KIRREL3: variants seen among roughly 807,000 people sequenced by gnomAD.
KIRREL3 encodes kirre like nephrin family adhesion molecule 3.
In KIRREL3, 36 loss-of-function variants were observed where a neutral mutation model predicts 89.7. That is an observed-to-expected ratio of 0.40 (90% CI 0.31 to 0.53). KIRREL3 has a LOEUF of 0.53. Among genes scored for constraint, KIRREL3 ranks in the 20% least tolerant of loss-of-function variants. The pLI, the probability that KIRREL3 is intolerant of heterozygous loss-of-function variation, is 0.49. For missense variants in KIRREL3, 864 were observed against 1,056.6 expected, an observed-to-expected ratio of 0.82 and a Z score of 2.53; for synonymous variants, 445 against 441.4, an observed-to-expected ratio of 1.01 and a Z score of -0.10.
chr11:126,605,251 C>A lies in KIRREL3; in HGVS notation c.56-42339G>T, dbSNP rs750663147. Among the ~76,000 whole-genome samples, 1 of 152,184 alleles carries A rather than the reference C, an allele frequency of 6.6e-6. No individual in the cohort carries two copies. Among genetic ancestry groups the A allele is most frequent in the Non-Finnish European group, 1.5e-5 (1 of 68,036 alleles). On this transcript the variant is annotated intron_variant, in intron 1 of 16. Coordinates refer to ENST00000525144, the MANE Select transcript of KIRREL3 (RefSeq NM_032531.4). This position sits in a 1 kb window ranked among gnomAD's most constrained non-coding sequence, Gnocchi z 5.7. ...AAGTCACATTTGCAGTTGGTGCCTC[C>A]TTAGTCACTGCCAGGATTCCAGGCA... is the stretch of plus-strand genomic sequence containing the variant.
At chr11:126,453,655 C>A (rs992513013) in intron 7 of KIRREL3, among the ~76,000 whole-genome samples, 1 of 152,026 alleles carries the variant, frequency 6.6e-6, no homozygotes, top group East Asian at 1.9e-4. Context: ...TGGGTGCAGG[C>A]GCCCACCACC....
At chr11:126,813,770 C>CAAA (rs138822412) in intron 1 of KIRREL3, among the ~76,000 whole-genome samples, 10 of 129,440 alleles carry the variant, frequency 7.7e-5, no homozygotes, top group Non-Finnish European at 1.3e-4. Context: ...GAAACAAAGG[C>CAAA]AAAAAAAAAA....
chr11:126,425,594 A>C, intron 16 of KIRREL3, 44 bp downstream of exon 16: 1 of 1,477,920 alleles, frequency 6.8e-7, no homozygotes, highest in Non-Finnish European at 9.3e-7. Flanking sequence ...AGAGCTAAAG[A>C]CCAGATTCCA....
intron 1 of KIRREL3, among the ~76,000 whole-genome samples, chr11:126,667,845 A>G (rs1945732098): frequency 6.6e-6 from 1 of 152,182 alleles, no homozygotes; most frequent in Non-Finnish European, 1.5e-5. Context: ...AAGCTGCACA[A>G]AAGGCCACAG....
At chr11:126,425,500 G>A (rs964082299) in intron 16 of KIRREL3, 138 bp downstream of exon 16, 17 of 727,242 alleles carry the variant, frequency 2.3e-5, no homozygotes, top group East Asian at 1.6e-4. Context: ...AGGCAGGGAC[G>A]GGCACCTGCC....
Position 126,474,878 on chromosome 11 carries a change from C to A in KIRREL3, c.434-1412G>T, listed in dbSNP as rs1453022319. Reference sequence around the variant, plus strand: ...AAGTACCTTGCCTAGGACACAGGGCCTTTCCCATGCTTGTGCTTGGGGACA... The same window carrying A: ...AAGTACCTTGCCTAGGACACAGGGCATTTCCCATGCTTGTGCTTGGGGACA... On this transcript the variant is annotated intron_variant, in intron 4 of 16. Transcript: ENST00000525144. The surrounding 1 kb of genome is among the most constrained non-coding windows in gnomAD (Gnocchi z 6.7). Among the ~76,000 whole-genome samples the A allele has an allele frequency of 6.6e-6, 1 of 152,204 alleles. No homozygotes were observed.
Position 126,747,016 on chromosome 11 carries a change from G to GCATAGA in KIRREL3, c.56-184110_56-184105dup, listed in dbSNP as rs1949174826. On this transcript the variant is annotated intron_variant, in intron 1 of 16. Transcript: ENST00000525144. The surrounding 1 kb of genome is among the most constrained non-coding windows in gnomAD (Gnocchi z 4.7). ...GGCTGCTTCCAGGGTATATTCTGAA[G>GCATAGA]CATAGACATGCTTCTGCCATCTTGG... 6.6e-6 allele frequency among the ~76,000 whole-genome samples: 1 copy of GCATAGA among 152,164 alleles called. No individual in the cohort carries two copies. The highest frequency in any genetic ancestry group is 2.4e-5 in the African/African-American group (1 of 41,424).
rs1944047722 is a variant in KIRREL3, at chr11:126,843,906, CA to C, written c.55+156548del. ...CCCTACCTGGGCTCAAAAGGGGAGGCATGAATAATCCCCTTGTTTAGCATAT... is the reference window on the plus strand; with the variant it reads ...CCCTACCTGGGCTCAAAAGGGGAGGCTGAATAATCCCCTTGTTTAGCATAT... On this transcript the variant is annotated intron_variant, in intron 1 of 16. Coordinates refer to ENST00000525144, the MANE Select transcript of KIRREL3 (RefSeq NM_032531.4). The surrounding 1 kb of genome is among the most constrained non-coding windows in gnomAD (Gnocchi z 4.6). Among the ~76,000 whole-genome samples, 1 of 152,164 alleles carries C rather than the reference CA, an allele frequency of 6.6e-6. No homozygotes were observed. Among genetic ancestry groups the C allele is most frequent in the South Asian group, 2.1e-4 (1 of 4,814 alleles).
rs551362349 is a variant in KIRREL3, at chr11:126,849,949, G to T, written c.55+150506C>A. On this transcript the variant is annotated intron_variant, in intron 1 of 16. Transcript: ENST00000525144. ...ATCAAAGCTGACAACTCCCAAAATGGTATGAAAACGCTTTTTAGTGTCCAT... is the reference window on the plus strand; with the variant it reads ...ATCAAAGCTGACAACTCCCAAAATGTTATGAAAACGCTTTTTAGTGTCCAT... 5.6e-5 allele frequency among the ~76,000 whole-genome samples: 6 copies of T among 106,610 alleles called. No homozygotes were observed. The South Asian group carries it at 9.6e-4, about 17-fold the overall frequency. 69.9% of individuals were successfully genotyped at this position (106,610 alleles called of 152,430 possible).
rs372240246 is a variant in KIRREL3 at position 126,582,379 on chromosome 11, C to A, written c.56-19467G>T. Among the ~76,000 whole-genome samples the A allele has an allele frequency of 1.2e-4, 18 of 152,220 alleles. No homozygotes were observed. The East Asian group carries it at 1.5e-3, about 13-fold the overall frequency. ...CCTTGCTAAGCTCTGGTTTGTGTTT[C>A]TGCCTCTGGTGTTTGGTATCAGAAC... is the stretch of plus-strand genomic sequence containing the variant. On this transcript the variant is annotated intron_variant, in intron 1 of 16. Transcript: ENST00000525144.
chr11:126,593,417 C>T (rs371802111), intron 1 of KIRREL3, among the ~76,000 whole-genome samples: 2 of 152,352 alleles, frequency 1.3e-5, no homozygotes, highest in East Asian at 3.9e-4. Context: ...AAGCCACAGC[C>T]ACTCCCTACC....
chr11:126,449,243 TG>T, intron 7 of KIRREL3, 86 bp from the exon 8 acceptor site: 1 of 1,502,088 alleles, frequency 6.7e-7, no homozygotes, highest in Non-Finnish European at 9.1e-7. Flanking sequence ...CATGGAAAAA[TG>T]AGGCCTGGGT....
intron 2 of KIRREL3, among the ~76,000 whole-genome samples, chr11:126,529,143 G>A (rs1321907697): frequency 6.6e-6 from 1 of 152,176 alleles, no homozygotes; most frequent in African/African-American, 2.4e-5. Flanking sequence ...TCCCCGTCCT[G>A]TGTCCTCTTG....
rs772726877 is a variant in KIRREL3 at position 126,668,735 on chromosome 11, TTCTTTC to T, written c.56-105829_56-105824del. On this transcript the variant is annotated intron_variant, in intron 1 of 16. Coordinates refer to ENST00000525144, the MANE Select transcript of KIRREL3 (RefSeq NM_032531.4). The surrounding 1 kb of genome is among the most constrained non-coding windows in gnomAD (Gnocchi z 4.4). ...TTTCTTTCTTTCTTTCTTTCTTTCT[TTCTTTC>T]TTTCTTTCTTTCTTTTTTCTCTTTC... is the stretch of plus-strand genomic sequence containing the variant. Among the ~76,000 whole-genome samples, 218 of 114,206 alleles carry T rather than the reference TTCTTTC, an allele frequency of 1.9e-3. 1 individual carries two copies. Among genetic ancestry groups the T allele is most frequent in the South Asian group, 0.016 (45 of 2,764 alleles). 74.9% of individuals were successfully genotyped at this position (114,206 alleles called of 152,430 possible).
rs1263207781 is a variant in KIRREL3, at chr11:126,744,364, A to G, written c.56-181452T>C. On this transcript the variant is annotated intron_variant, in intron 1 of 16. Coordinates refer to ENST00000525144, the MANE Select transcript of KIRREL3 (RefSeq NM_032531.4). This position sits in a 1 kb window ranked among gnomAD's most constrained non-coding sequence, Gnocchi z 4.7. ...GCAGGAGGTGTGCTGACCAGAGAGG[A>G]TGAAAGGGAAGCTGGAGGCAGGGAG... is the stretch of plus-strand genomic sequence containing the variant. Among the ~76,000 whole-genome samples the G allele has an allele frequency of 6.6e-6, 1 of 152,020 alleles. No homozygotes were observed. The highest frequency in any genetic ancestry group is 1.5e-5 in the Non-Finnish European group (1 of 68,024).
intron 8 of KIRREL3, among the ~76,000 whole-genome samples, chr11:126,447,327 C>A (rs1029364117): frequency 2.0e-5 from 3 of 152,214 alleles, no homozygotes; most frequent in African/African-American, 7.2e-5. Context: ...ATCTTCATGC[C>A]TCTGCCTTCA....
intron 1 of KIRREL3, among the ~76,000 whole-genome samples, chr11:126,674,998 A>G (rs1014954770): frequency 3.9e-5 from 6 of 152,240 alleles, no homozygotes; most frequent in Admixed American, 3.9e-4. Flanking sequence ...CAAGAGGAAG[A>G]AGGGGCTCTT....
Position 126,946,971 on chromosome 11 carries a change from T to A in KIRREL3, c.55+53484A>T, listed in dbSNP as rs1303834600. On this transcript the variant is annotated intron_variant, in intron 1 of 16. Coordinates refer to ENST00000525144, the MANE Select transcript of KIRREL3 (RefSeq NM_032531.4). This position sits in a 1 kb window ranked among gnomAD's most constrained non-coding sequence, Gnocchi z 4.1. ...ACTTCCTAGGCACACTGCTTGCAAA[T>A]GGCAGAAAGAACCAGAAATCTTATC... Among the ~76,000 whole-genome samples the A allele has an allele frequency of 6.6e-6, 1 of 152,180 alleles. No homozygotes were observed. Among genetic ancestry groups the A allele is most frequent in the Non-Finnish European group, 1.5e-5 (1 of 68,044 alleles).
rs1957497490 is a variant in KIRREL3 at position 126,491,030 on chromosome 11, AT to A, written c.434-17565del. Among the ~76,000 whole-genome samples the A allele has an allele frequency of 6.6e-6, 1 of 152,074 alleles. No homozygotes were observed. The highest frequency in any genetic ancestry group is 1.5e-5 in the Non-Finnish European group (1 of 68,014). The stretch of plus-strand genomic sequence containing the variant: ...GAGAATGGGGCAGGGCTCTGTCTGG[AT>A]TTTGGGTCCATCCCGTAGTGGAAAG... On this transcript the variant is annotated intron_variant, in intron 4 of 16. Coordinates refer to ENST00000525144, the MANE Select transcript of KIRREL3 (RefSeq NM_032531.4). This position sits in a 1 kb window ranked among gnomAD's most constrained non-coding sequence, Gnocchi z 5.5.
Sources: allele counts gnomAD v4.1 joint callset (sites outside exome capture counted in the v4.1 genomes callset), GRCh38; gene constraint gnomAD v4.1.1; non-coding constraint Gnocchi (gnomAD v3.1); transcripts MANE v1.5; gene names NCBI Gene and HGNC (gene_info 2026-07-23, HGNC 2026-07-21).